Variants in RASSF3 observed in about 807,000 individuals in gnomAD.
RASSF3 encodes ras association domain-containing protein 3.
In RASSF3, 19 loss-of-function variants were observed where a neutral mutation model predicts 19.9. That is an observed-to-expected ratio of 0.96 (90% CI 0.67 to 1.40). The LOEUF (loss-of-function observed/expected upper bound fraction) is 1.40. RASSF3 is among the 40% of genes most tolerant of loss of function. RASSF3 has a pLI of 0.00. For missense variants in RASSF3, 306 were observed against 289.8 expected, an observed-to-expected ratio of 1.06 and a Z score of -0.41; for synonymous variants, 110 against 104.2, an observed-to-expected ratio of 1.06 and a Z score of -0.34.
intron 3 of RASSF3, among the ~76,000 whole-genome samples, chr12:64,689,788 A>ATTTTTTTTTTTTTTTTTT (rs1285995154): frequency 4.7e-5 from 2 of 42,916 alleles, no homozygotes; most frequent in Non-Finnish European, 1.1e-4. Context: ...TAATTCGCTA[A>ATTTTTTTTTTTTTTTTTT]TTCTTTTTTT....
intron 1 of RASSF3, among the ~76,000 whole-genome samples, chr12:64,673,947 C>T (rs1872789512): frequency 6.6e-6 from 1 of 151,788 alleles, no homozygotes; most frequent in African/African-American, 2.4e-5. Flanking sequence ...GGCACACTAC[C>T]CAGTTTTAAA....
At chr12:64,591,996 G>A (rs1869933716) in intron 2 of RASSF3, among the ~76,000 whole-genome samples, 1 of 151,376 alleles carries the variant, frequency 6.6e-6, no homozygotes, top group Admixed American at 6.6e-5. Context: ...CTGCTTCCCA[G>A]ACCCACGAGA....
rs572265732 is a variant in RASSF3 at position 64,590,004 on chromosome 12, GA to G, written c.294+48317del. On this transcript the variant is annotated intron_variant, in intron 2 of 5. Coordinates refer to the RASSF3 transcript ENST00000637125. ...GTGACAGAGCAAGACTCGGTCTCAG[GA>G]AAAAAAAAAAAAAAAAAGAGTCTGA... Among the ~76,000 whole-genome samples the G allele has an allele frequency of 4.4e-3, 238 of 54,384 alleles. 1 individual carries two copies. The highest frequency in any genetic ancestry group is 0.011 in the African/African-American group (148 of 13,666). The allele number at this position is 54,384 out of a possible 152,430, so 35.7% of individuals were successfully genotyped here.
At chr12:64,612,479 C>CTTTTTTTT (rs369436937) in intron 1 of RASSF3, among the ~76,000 whole-genome samples, 2 of 119,396 alleles carry the variant, frequency 1.7e-5, no homozygotes, top group Non-Finnish European at 3.5e-5. Context: ...TTTAGCGTTT[C>CTTTTTTTT]TTTTTTTTTT....
At chr12:64,517,471 AGCT>A (rs1214679880) in intron 1 of RASSF3, among the ~76,000 whole-genome samples, 5 of 152,212 alleles carry the variant, frequency 3.3e-5, no homozygotes, top group Non-Finnish European at 5.9e-5. Flanking sequence ...TATATTACAA[AGCT>A]GCTAAAAAGA....
intron 1 of RASSF3, among the ~76,000 whole-genome samples, chr12:64,522,700 A>AAT (rs2136104850): frequency 6.6e-6 from 1 of 152,288 alleles, no homozygotes; most frequent in East Asian, 1.9e-4. Flanking sequence ...AATAAAAAAA[A>AAT]CTGGAAGTTT....
chr12:64,599,860 G>A (rs375005663), intron 2 of RASSF3, among the ~76,000 whole-genome samples: 2 of 151,748 alleles, frequency 1.3e-5, no homozygotes, highest in African/African-American at 4.8e-5. Flanking sequence ...GTGAAACCCC[G>A]TCTCTACTAA....
At chr12:64,534,942 T>A (rs1319451812) in intron 1 of RASSF3, among the ~76,000 whole-genome samples, 1 of 152,188 alleles carries the variant, frequency 6.6e-6, no homozygotes, top group Non-Finnish European at 1.5e-5. Flanking sequence ...AGGCATAGCA[T>A]TACCATATTT....
At chr12:64,687,294 G>A (rs1367258012) in intron 2 of RASSF3, among the ~76,000 whole-genome samples, 1 of 152,014 alleles carries the variant, frequency 6.6e-6, no homozygotes, top group Non-Finnish European at 1.5e-5. Context: ...GAGCCACTGC[G>A]CCTGGCCCCA....
chr12:64,560,199 C>T (rs908652541), intron 2 of RASSF3, among the ~76,000 whole-genome samples: 4 of 152,216 alleles, frequency 2.6e-5, no homozygotes, highest in Non-Finnish European at 5.9e-5. Flanking sequence ...TCCCAGATTC[C>T]TCCAAACAGG....
chr12:64,571,695 T>C (rs938740585), intron 2 of RASSF3, among the ~76,000 whole-genome samples: 1 of 152,230 alleles, frequency 6.6e-6, no homozygotes, highest in Non-Finnish European at 1.5e-5. Context: ...ATTATCTCCC[T>C]ATCGTAAAAG....
chr12:64,553,812 A>G (rs1333355646), intron 2 of RASSF3, among the ~76,000 whole-genome samples: 1 of 152,118 alleles, frequency 6.6e-6, no homozygotes, highest in African/African-American at 2.4e-5. Context: ...ACCTGTCTCT[A>G]CAAGAAATAC....
At chr12:64,610,886 C>T (rs1870330947) in intron 1 of RASSF3, 143 bp downstream of exon 1, 2 of 510,388 alleles carry the variant, frequency 3.9e-6, no homozygotes, top group Non-Finnish European at 3.4e-6. Flanking sequence ...GAAGTGGCTT[C>T]TGCCTTTTCG....
intron 2 of RASSF3, among the ~76,000 whole-genome samples, chr12:64,581,402 T>G (rs1869693666): frequency 6.6e-6 from 1 of 152,192 alleles, no homozygotes; most frequent in Non-Finnish European, 1.5e-5. Flanking sequence ...AAAGTGCTCT[T>G]TTGAAACAAA....
rs540304072 is a variant in RASSF3, at chr12:64,541,640, A to C, written c.127A>C (p.Asn43His). The C allele has an allele frequency of 4.3e-4, 171 of 398,476 alleles. 1 individual carries two copies. Among genetic ancestry groups the C allele is most frequent in the Non-Finnish European group, 6.6e-4 (150 of 226,066 alleles). 24.7% of individuals were successfully genotyped at this position (398,476 alleles called of 1,614,324 possible). The change falls in exon 2 of 2, where the codon AAT becomes CAT. Residue 43 changes from asparagine (N) to histidine (H), a missense_variant. Asn to His is a moderately conservative substitution (Grantham distance 68, BLOSUM62 1). Transcript: ENST00000636333. ...CCTGGTACATCTGGATTATCCACAA[A>C]ATGGGAACGTATCAAGCTGCATGCC...
In RASSF3 at chr12:64,520,494, TTG is replaced by T. The variant is rs200190362; in HGVS notation, c.169+13174_169+13175del. 7.4e-3 allele frequency among the ~76,000 whole-genome samples: 1,103 copies of T among 148,326 alleles called. 34 individuals are homozygous for T. Among genetic ancestry groups the T allele is most frequent in the Admixed American group, 0.053 (767 of 14,584 alleles). On this transcript the variant is annotated intron_variant, in intron 1 of 5. Coordinates refer to the RASSF3 transcript ENST00000637125. ...TTCTTTAAAGCAAATATATACATAT[TTG>T]TGTGTGTGAGTGTGCGTGCATATGT...
chr12:64,558,312 A>G (rs1332599594), intron 2 of RASSF3, among the ~76,000 whole-genome samples: 2 of 152,114 alleles, frequency 1.3e-5, no homozygotes, highest in African/African-American at 2.4e-5. Flanking sequence ...AGATTAGCTA[A>G]TGTCACCTGG....
Position 64,660,623 on chromosome 12 carries a change from T to A in RASSF3, c.112-24164T>A, listed in dbSNP as rs562232401. On this transcript the variant is annotated intron_variant, in intron 1 of 4. Coordinates refer to ENST00000542104, the MANE Select transcript of RASSF3 (RefSeq NM_178169.4). ...AAAAAAGGTAGTGACTATCATTTGCTTTTTCTCTGTAAAAGCAGGGACATT... is the reference window on the plus strand; with the variant it reads ...AAAAAAGGTAGTGACTATCATTTGCATTTTCTCTGTAAAAGCAGGGACATT... 3.3e-5 allele frequency among the ~76,000 whole-genome samples: 5 copies of A among 152,382 alleles called. No individual in the cohort carries two copies. In the South Asian group the frequency reaches 1.0e-3, roughly 32 times the overall value.
At chr12:64,555,135 T>G (rs1158581203) in intron 2 of RASSF3, among the ~76,000 whole-genome samples, 1 of 151,792 alleles carries the variant, frequency 6.6e-6, no homozygotes, top group East Asian at 1.9e-4. Flanking sequence ...TCCCAGCTAC[T>G]CGGGAGGCTG....
Sources: allele counts gnomAD v4.1 joint callset (sites outside exome capture counted in the v4.1 genomes callset), GRCh38; gene constraint gnomAD v4.1.1; transcripts MANE v1.5; gene names NCBI Gene and HGNC (gene_info 2026-07-23, HGNC 2026-07-21).